Variants in EGFR observed in about 807,000 individuals in gnomAD.
EGFR encodes the protein avian erythroblastic leukemia viral (v-erb-b) oncogene homolog.
A neutral mutation model predicts 143.0 loss-of-function variants in EGFR; 58 were observed. The observed-to-expected ratio is 0.41, with a 90% CI of 0.33 to 0.50. The LOEUF (loss-of-function observed/expected upper bound fraction) is 0.50, where lower values mean the gene tolerates loss of function less well. EGFR is among the 20% of genes least tolerant of loss of function. The pLI is 0.39. For missense variants in EGFR, 1,307 were observed against 1,579.0 expected (o/e 0.83, Z 2.92); for synonymous variants, 613 against 594.4 (o/e 1.03, Z -0.45).
At chr7:55,134,252 G>A (rs1226531974) in intron 1 of EGFR, among the ~76,000 whole-genome samples, 8 of 73,984 alleles carry the variant, frequency 1.1e-4, no homozygotes, top group East Asian at 7.3e-4. Context: ...AGGCCCACCC[G>A]AGCCACATCC....
chr7:55,184,253 C>A (rs1787031150), intron 20 of EGFR, among the ~76,000 whole-genome samples: 1 of 152,204 alleles, frequency 6.6e-6, no homozygotes, highest in Non-Finnish European at 1.5e-5. Context: ...CTCCTTTGAT[C>A]CCCTTTGGCT....
chr7:55,070,337 G>C (rs1789746794), intron 1 of EGFR, among the ~76,000 whole-genome samples: 1 of 152,140 alleles, frequency 6.6e-6, no homozygotes, highest in African/African-American at 2.4e-5. Flanking sequence ...CTTCTTCTCT[G>C]TTAAATATTC....
chr7:55,197,725 T>C (rs1288515266), intron 22 of EGFR, among the ~76,000 whole-genome samples: 1 of 152,190 alleles, frequency 6.6e-6, no homozygotes. Context: ...TGAATTTTAT[T>C]GAGAGCCTTT....
Position 55,142,183 on chromosome 7 carries a change from T to G in EGFR, c.89-103T>G, listed in dbSNP as rs1794494685. The G allele has an allele frequency of 3.5e-6, 5 of 1,415,000 alleles. No homozygotes were observed. The Admixed American group carries it at 6.9e-5, about 19-fold the overall frequency. The allele number at this position is 1,415,000 out of a possible 1,614,324, so 87.7% of individuals were successfully genotyped here. A position where few individuals can be genotyped will look rare whatever the true frequency, so the allele number is the denominator to read the frequency against. ...TGGGTGAGTCTCTGTGTGGAGAGAG[T>G]GAAGAAACTGCTACCCTTAATACCT... On this transcript the variant is annotated intron_variant, in intron 1 of 27. Coordinates refer to ENST00000275493, the MANE Select transcript of EGFR (RefSeq NM_005228.5).
chr7:55,069,580 CT>C (rs1464112606), intron 1 of EGFR, among the ~76,000 whole-genome samples: 1 of 152,230 alleles, frequency 6.6e-6, no homozygotes, highest in African/African-American at 2.4e-5. Context: ...CAAGACCAGA[CT>C]CCAGCTTGGC....
At chr7:55,172,796 T>C in intron 16 of EGFR, 187 bp from the exon 17 acceptor site, 3 of 1,526,842 alleles carry the variant, frequency 2.0e-6, no homozygotes, top group Non-Finnish European at 2.6e-6. Context: ...TGGGGAGAGC[T>C]TGAGAAAGTT....
At chr7:55,056,491 T>C (rs560150639) in intron 1 of EGFR, among the ~76,000 whole-genome samples, 1 of 152,362 alleles carries the variant, frequency 6.6e-6, no homozygotes, top group Admixed American at 6.5e-5. Context: ...CCAACTGCGG[T>C]TCCCATTTCA....
chr7:55,046,026 T>C (rs1169060338), intron 1 of EGFR, among the ~76,000 whole-genome samples: 2 of 152,184 alleles, frequency 1.3e-5, no homozygotes, highest in Non-Finnish European at 2.9e-5. Flanking sequence ...AAACAGGAGA[T>C]TAATTTCTTC....
At chr7:55,159,618 C>T (rs1238298563) in intron 11 of EGFR, among the ~76,000 whole-genome samples, 1 of 152,222 alleles carries the variant, frequency 6.6e-6, no homozygotes, top group African/African-American at 2.4e-5. Context: ...GTGCTCTTCA[C>T]ACCGGCTCAA....
rs1562752927 is a variant in EGFR, at chr7:55,142,368, C to G, written c.171C>G (p.Asn57Lys). Reference protein sequence around the residue: ...HFLSLQRMFNNCEVVLGNLEI... With the variant: ...HFLSLQRMFNKCEVVLGNLEI... The stretch of plus-strand genomic sequence containing the variant: ...TCAGCCTCCAGAGGATGTTCAATAA[C>G]TGTGAGGTGGTCCTTGGGAATTTGG... The change falls in exon 2 of 28, where the codon AAC (asparagine) becomes AAG (lysine). Residue 57 changes from asparagine (N) to lysine (K), a missense_variant. Physicochemically the swap from Asn to Lys is moderately conservative, Grantham distance 94 (BLOSUM62 0). Coordinates refer to ENST00000275493, the MANE Select transcript of EGFR (RefSeq NM_005228.5). The G allele has an allele frequency of 6.2e-7, 1 of 1,614,184 alleles. No homozygotes were observed. Among genetic ancestry groups the G allele is most frequent in the Non-Finnish European group, 8.5e-7 (1 of 1,180,034 alleles).
At chr7:55,202,716 C>G (rs1331773757) in intron 27 of EGFR, 91 bp downstream of exon 27, 1 of 1,115,504 alleles carries the variant, frequency 9.0e-7, no homozygotes, top group African/African-American at 1.6e-5. Context: ...CAGGTGCTCC[C>G]TCCAGCATCT....
chr7:55,042,676 T>A (rs765747674), intron 1 of EGFR, among the ~76,000 whole-genome samples: 5 of 152,134 alleles, frequency 3.3e-5, no homozygotes, highest in African/African-American at 4.8e-5. Flanking sequence ...GTGATTTTTT[T>A]AATTATCCAA....
rs370289230 is a variant in EGFR at position 55,181,389 on chromosome 7, C to A, written c.2380C>A (p.Pro794Thr). ...CGTGCAGCTCATCACGCAGCTCATG[C>A]CCTTCGGCTGCCTCCTGGACTATGT... ...STVQLITQLM[P>T]FGCLLDYVRE... Residue 794 changes from proline to threonine, a missense_variant, in exon 20 of 28, where the codon CCC (proline) becomes ACC (threonine). Around this residue, in one of 7 missense-constraint regions of EGFR, gnomAD observed 348 missense variants for 451.5 expected, o/e 0.77. Transcript: ENST00000275493. 1.9e-6 allele frequency: 3 copies of A among 1,614,120 alleles called. No individual in the cohort carries two copies. The African/African-American group carries it at 4.0e-5, about 22-fold the overall frequency.
chr7:55,174,629 T>A (rs2128954372), intron 18 of EGFR, 93 bp from the exon 19 acceptor site: 1 of 1,079,566 alleles, frequency 9.3e-7, no homozygotes, highest in Non-Finnish European at 1.4e-6. Context: ...ACCTTCGGGG[T>A]GCATCGCTGG....
chr7:55,141,846 C>T (rs967844130), intron 1 of EGFR, among the ~76,000 whole-genome samples: 5 of 152,154 alleles, frequency 3.3e-5, no homozygotes, highest in African/African-American at 1.2e-4. Flanking sequence ...CAGTTATATT[C>T]GTGAAATACC....
At chr7:55,131,276 C>T (rs1793816738) in intron 1 of EGFR, among the ~76,000 whole-genome samples, 1 of 151,348 alleles carries the variant, frequency 6.6e-6, no homozygotes, top group Non-Finnish European at 1.5e-5. Flanking sequence ...CAGAGGCTGG[C>T]TTTCCACCTT....
intron 1 of EGFR, among the ~76,000 whole-genome samples, chr7:55,038,074 C>T (rs1469963258): frequency 6.6e-6 from 1 of 152,054 alleles, no homozygotes; most frequent in Non-Finnish European, 1.5e-5. Flanking sequence ...GGAGGTTTTT[C>T]AAAACCTTGG....
chr7:55,111,256 G>C (rs1054169971), intron 1 of EGFR, among the ~76,000 whole-genome samples: 5 of 152,134 alleles, frequency 3.3e-5, no homozygotes, highest in Non-Finnish European at 7.3e-5. Context: ...TCATTCTTTA[G>C]ACATTTTGTG....
chr7:55,055,849 C>T (rs889692807), intron 1 of EGFR, among the ~76,000 whole-genome samples: 2 of 152,062 alleles, frequency 1.3e-5, no homozygotes, highest in Non-Finnish European at 2.9e-5. Context: ...AAGATGTTCA[C>T]CTGCTTGAGG....
Sources: gnomAD v4.1 joint callset for allele counts (sites outside exome capture counted in the v4.1 genomes callset) on GRCh38, gnomAD v4.1.1 for gene constraint, gnomAD v4.1.1 regional missense constraint, MANE v1.5 for transcripts, NCBI Gene and HGNC (gene_info 2026-07-23, HGNC 2026-07-21) for gene names.